WWOX: variants seen among roughly 807,000 people sequenced by gnomAD.
WWOX encodes WW domain-containing oxidoreductase.
In WWOX, 69 loss-of-function variants were observed where a neutral mutation model predicts 46.2. The observed-to-expected ratio is 1.49, with a 90% CI of 1.23 to 1.82. The LOEUF (loss-of-function observed/expected upper bound fraction) is 1.82, where lower values mean the gene tolerates loss of function less well. WWOX is among the 40% of genes most tolerant of loss of function. WWOX has a pLI of 0.00. For synonymous variants in WWOX, 359 were observed against 202.6 expected (o/e 1.77, Z -6.56); for missense variants, 919 against 542.6 (o/e 1.69, Z -6.89).
chr16:78,707,752 G>A (rs1166849997), intron 8 of WWOX, among the ~76,000 whole-genome samples: 1 of 151,864 alleles, frequency 6.6e-6, no homozygotes, highest in Non-Finnish European at 1.5e-5. Flanking sequence ...GTGTGGTGGT[G>A]CACACCTGTA....
intron 8 of WWOX, among the ~76,000 whole-genome samples, chr16:78,850,859 A>T (rs1296986515): frequency 2.0e-5 from 3 of 152,118 alleles, no homozygotes; most frequent in African/African-American, 7.2e-5. Flanking sequence ...ATTGAGTAGA[A>T]CTTGGTGCCA....
intron 5 of WWOX, among the ~76,000 whole-genome samples, chr16:78,318,047 A>T (rs578057429): frequency 2.7e-4 from 41 of 152,292 alleles, no homozygotes; most frequent in African/African-American, 9.6e-4. Context: ...GGAGCACAAA[A>T]GATCCAGGCG....
chr16:79,137,247 A>G (rs2050000233), intron 8 of WWOX, among the ~76,000 whole-genome samples: 1 of 152,252 alleles, frequency 6.6e-6, no homozygotes, highest in African/African-American at 2.4e-5. Flanking sequence ...TAGACCTTAT[A>G]GAAATCACCA....
At chr16:78,292,855 A>G (rs2151861546) in intron 5 of WWOX, among the ~76,000 whole-genome samples, 1 of 152,314 alleles carries the variant, frequency 6.6e-6, no homozygotes, top group East Asian at 1.9e-4. Flanking sequence ...AGGATGGGCT[A>G]GGAGGGTGAG....
At chr16:78,645,362 C>G (rs566648349) in intron 8 of WWOX, among the ~76,000 whole-genome samples, 1 of 152,222 alleles carries the variant, frequency 6.6e-6, no homozygotes, top group South Asian at 2.1e-4. Context: ...CCATGAATGT[C>G]TTCTCTTACC....
At chr16:78,305,082 G>C (rs1031235344) in intron 5 of WWOX, among the ~76,000 whole-genome samples, 1 of 152,048 alleles carries the variant, frequency 6.6e-6, no homozygotes, top group Admixed American at 6.6e-5. Context: ...CTGGGAATCT[G>C]AATTCTGTCT....
intron 8 of WWOX, among the ~76,000 whole-genome samples, chr16:78,512,734 G>A (rs2085392181): frequency 6.6e-6 from 1 of 152,202 alleles, no homozygotes; most frequent in Non-Finnish European, 1.5e-5. Flanking sequence ...ACAAGTACTT[G>A]CACTAGTGAT....
chr16:78,446,285 G>A (rs1201239328), intron 8 of WWOX, among the ~76,000 whole-genome samples: 1 of 152,188 alleles, frequency 6.6e-6, no homozygotes, highest in African/African-American at 2.4e-5. Flanking sequence ...TATGGAAAGA[G>A]CATGCGCTTT....
intron 8 of WWOX, among the ~76,000 whole-genome samples, chr16:79,173,914 A>T (rs1248455098): frequency 6.6e-6 from 1 of 152,120 alleles, no homozygotes; most frequent in Non-Finnish European, 1.5e-5. Flanking sequence ...ACTTTTTTTC[A>T]CTTTTCAAAG....
chr16:78,496,843 C>G (rs1325777859), intron 8 of WWOX, among the ~76,000 whole-genome samples: 1 of 152,208 alleles, frequency 6.6e-6, no homozygotes, highest in African/African-American at 2.4e-5. Flanking sequence ...CCGGAAACCC[C>G]TTTTGCTGTG....
chr16:78,444,093 G>A (rs1253242234), intron 8 of WWOX, among the ~76,000 whole-genome samples: 2 of 152,290 alleles, frequency 1.3e-5, no homozygotes, highest in East Asian at 1.9e-4. Context: ...GCTCAGAATC[G>A]TTTGGAAACG....
intron 8 of WWOX, among the ~76,000 whole-genome samples, chr16:79,110,131 C>G (rs950392468): frequency 6.6e-6 from 1 of 152,178 alleles, no homozygotes. Context: ...TAATCAGCGA[C>G]TCCTATGGCT....
intron 8 of WWOX, among the ~76,000 whole-genome samples, chr16:78,702,513 C>T (rs1445920540): frequency 6.6e-6 from 1 of 151,614 alleles, no homozygotes; most frequent in Non-Finnish European, 1.5e-5. Context: ...TAGCCAGGCA[C>T]AGTGGCTCAT....
intron 8 of WWOX, among the ~76,000 whole-genome samples, chr16:78,802,566 C>G (rs895200203): frequency 6.6e-6 from 1 of 152,008 alleles, no homozygotes. Context: ...TAGTTTTGTC[C>G]TTAACAACTA....
chr16:78,776,176 C>T (rs933477805), intron 8 of WWOX, among the ~76,000 whole-genome samples: 1 of 152,094 alleles, frequency 6.6e-6, no homozygotes, highest in Admixed American at 6.5e-5. Flanking sequence ...GCATTCATCT[C>T]AGAAGGATGT....
intron 5 of WWOX, among the ~76,000 whole-genome samples, chr16:78,374,610 G>A (rs151254699): frequency 0.056 from 7,701 of 137,116 alleles, 263 homozygotes; most frequent in East Asian, 0.12. Flanking sequence ...GTGCAGTGGC[G>A]CGATCTTGGC....
intron 4 of WWOX, among the ~76,000 whole-genome samples, chr16:78,131,272 G>C (rs1216019737): frequency 2.0e-5 from 3 of 152,172 alleles, no homozygotes; most frequent in Non-Finnish European, 4.4e-5. Context: ...CAGTGCATCA[G>C]CGTGATCATA....
At chr16:78,739,813 A>AAAAC (rs373157935) in intron 8 of WWOX, among the ~76,000 whole-genome samples, 10 of 152,194 alleles carry the variant, frequency 6.6e-5, no homozygotes, top group South Asian at 4.1e-4. Flanking sequence ...TCCATCTCAA[A>AAAAC]AAACAAACAA....
intron 8 of WWOX, among the ~76,000 whole-genome samples, chr16:78,990,255 C>T (rs1430905005): frequency 1.3e-5 from 2 of 151,506 alleles, no homozygotes; most frequent in East Asian, 1.9e-4. Flanking sequence ...GGCCTCCATT[C>T]CCCCCATGCT....
Sources: gnomAD v4.1 joint callset for allele counts (sites outside exome capture counted in the v4.1 genomes callset) on GRCh38, gnomAD v4.1.1 for gene constraint, MANE v1.5 for transcripts, NCBI Gene and HGNC (gene_info 2026-07-23, HGNC 2026-07-21) for gene names.